The following TNR variants were observed in gnomAD, a reference collection of about 807,000 sequenced individuals.
TNR encodes the protein tenascin R, also known as tenascin-R.
In TNR, 45 loss-of-function variants were observed where a neutral mutation model predicts 150.4. The ratio of observed to expected loss-of-function variants is 0.30; its 90% confidence interval spans 0.24 to 0.38. The LOEUF is 0.38. Among genes scored for constraint, TNR ranks in the 10% least tolerant of loss-of-function variants. The pLI, the probability that TNR is intolerant of heterozygous loss-of-function variation, is 1.00. For missense variants in TNR, 1,544 were observed against 1,759.1 expected, an observed-to-expected ratio of 0.88 and a Z score of 2.19; for synonymous variants, 687 against 678.4, an observed-to-expected ratio of 1.01 and a Z score of -0.20.
intron 1 of TNR, among the ~76,000 whole-genome samples, chr1:175,613,701 C>A (rs777921985): frequency 6.6e-6 from 1 of 152,170 alleles, no homozygotes; most frequent in Admixed American, 6.5e-5. Context: ...CACCAGAATT[C>A]TCTTGTCCTA....
intron 2 of TNR, among the ~76,000 whole-genome samples, chr1:175,437,548 A>G (rs1220272706): frequency 6.6e-6 from 1 of 152,244 alleles, no homozygotes; most frequent in Non-Finnish European, 1.5e-5. Context: ...TGAAGGAAAC[A>G]GAGACACAAA....
chr1:175,473,748 T>C (rs1657401128), intron 2 of TNR, among the ~76,000 whole-genome samples: 1 of 152,202 alleles, frequency 6.6e-6, no homozygotes, highest in Non-Finnish European at 1.5e-5. Flanking sequence ...CCCTTTTATG[T>C]GGGAGCAGCT....
rs796675581 is a variant in TNR, at chr1:175,467,869, T to C, written c.-64+60400A>G. ...AATTACTCGTTAATATATAAAGGAC[T>C]GTATTTCCCATAATGCAAATGCTAG... On this transcript the variant is annotated intron_variant, in intron 2 of 22. Coordinates refer to ENST00000367674, the MANE Select transcript of TNR (RefSeq NM_003285.3). 9.2e-5 allele frequency among the ~76,000 whole-genome samples: 14 copies of C among 152,352 alleles called. 1 individual carries two copies. The highest frequency in any genetic ancestry group is 3.4e-4 in the African/African-American group (14 of 41,576).
intron 4 of TNR, among the ~76,000 whole-genome samples, chr1:175,399,910 A>C (rs1653617411): frequency 6.6e-6 from 1 of 152,244 alleles, no homozygotes; most frequent in Non-Finnish European, 1.5e-5. Context: ...CCAAAGAGTA[A>C]GTGGTTTCGG....
intron 1 of TNR, among the ~76,000 whole-genome samples, chr1:175,662,008 A>G (rs1008872249): frequency 2.0e-5 from 3 of 151,658 alleles, no homozygotes; most frequent in Non-Finnish European, 4.4e-5. Context: ...ACACTATCCA[A>G]CCTCAAAGGC....
In TNR at chr1:175,403,102, C is replaced by G. The variant is rs535766742; in HGVS notation, c.976+38G>C. Reference sequence around the variant, plus strand: ...GAGGCATCCAGCTAGTTTGCTGGACCACCCTTGCCAAACACCCCAGAGAGT... The same window carrying G: ...GAGGCATCCAGCTAGTTTGCTGGACGACCCTTGCCAAACACCCCAGAGAGT... On this transcript the variant is annotated intron_variant, in intron 4 of 22. Transcript: ENST00000367674. 1.2e-5 allele frequency: 19 copies of G among 1,558,694 alleles called. No homozygotes were observed. In the South Asian group the frequency reaches 2.1e-4, roughly 17 times the overall value.
At chr1:175,347,738 A>T (rs2101999885) in intron 18 of TNR, among the ~76,000 whole-genome samples, 2 of 151,878 alleles carry the variant, frequency 1.3e-5, no homozygotes, top group East Asian at 3.9e-4. Flanking sequence ...TTTTTTTTTT[A>T]ATTTAAATTT....
At chr1:175,537,197 A>G (rs1160520438) in intron 1 of TNR, among the ~76,000 whole-genome samples, 1 of 152,220 alleles carries the variant, frequency 6.6e-6, no homozygotes, top group Non-Finnish European at 1.5e-5. Context: ...CTAGCCATCA[A>G]TCACCAGGGT....
chr1:175,611,107 T>C (rs1316415322), intron 1 of TNR, among the ~76,000 whole-genome samples: 1 of 152,166 alleles, frequency 6.6e-6, no homozygotes, highest in Non-Finnish European at 1.5e-5. Context: ...GGTTCTTCAC[T>C]GATATATATT....
chr1:175,531,015 G>A (rs968890066), intron 1 of TNR, among the ~76,000 whole-genome samples: 1 of 152,200 alleles, frequency 6.6e-6, no homozygotes, highest in African/African-American at 2.4e-5. Flanking sequence ...TGTCTTTGAG[G>A]GAGAGGGACA....
At chr1:175,342,283 C>T (rs1426277591) in intron 18 of TNR, among the ~76,000 whole-genome samples, 3 of 152,088 alleles carry the variant, frequency 2.0e-5, no homozygotes, top group Non-Finnish European at 4.4e-5. Flanking sequence ...AGTGGGGGCC[C>T]GGGATAGGGC....
chr1:175,606,308 A>G (rs1336956258), intron 1 of TNR, among the ~76,000 whole-genome samples: 1 of 152,120 alleles, frequency 6.6e-6, no homozygotes, highest in East Asian at 1.9e-4. Context: ...TGGGACTTAC[A>G]AGGACAGATG....
intron 21 of TNR, among the ~76,000 whole-genome samples, chr1:175,326,465 G>A (rs1649401942): frequency 6.6e-6 from 1 of 152,076 alleles, no homozygotes; most frequent in Non-Finnish European, 1.5e-5. Flanking sequence ...TATAGGGAAG[G>A]CTGACGCCCT....
chr1:175,331,050 T>TTTCTTTCTTTCC (rs1557867588), intron 20 of TNR, among the ~76,000 whole-genome samples: 1 of 95,762 alleles, frequency 1.0e-5, no homozygotes, highest in African/African-American at 4.2e-5. Flanking sequence ...TCTTTCTTTC[T>TTTCTTTCTTTCC]TTCTTTCTTT....
chr1:175,380,688 C>T (rs1366532693), intron 8 of TNR, among the ~76,000 whole-genome samples: 4 of 152,192 alleles, frequency 2.6e-5, no homozygotes, highest in Admixed American at 6.5e-5. Flanking sequence ...CACAAAGAGA[C>T]GACGGGGACA....
intron 20 of TNR, among the ~76,000 whole-genome samples, chr1:175,333,120 G>C (rs948986462): frequency 3.3e-5 from 5 of 152,102 alleles, no homozygotes; most frequent in African/African-American, 1.2e-4. Flanking sequence ...AACAGGCTTG[G>C]AGTCCCTGTA....
intron 5 of TNR, among the ~76,000 whole-genome samples, chr1:175,394,242 C>G (rs1653315818): frequency 6.6e-6 from 1 of 152,096 alleles, no homozygotes; most frequent in Non-Finnish European, 1.5e-5. Context: ...TAGTACAGTG[C>G]CTTTTTCAGA....
intron 2 of TNR, among the ~76,000 whole-genome samples, chr1:175,466,476 G>A (rs1657040432): frequency 6.6e-6 from 1 of 152,192 alleles, no homozygotes; most frequent in African/African-American, 2.4e-5. Context: ...GTGTGCTGCT[G>A]ACCCAGTCTT....
Position 175,403,466 on chromosome 1 carries a change from C to A in TNR, c.650G>T (p.Gly217Val). The A allele has an allele frequency of 3.1e-6, 5 of 1,614,224 alleles. No homozygotes were observed. Among genetic ancestry groups the A allele is most frequent in the Non-Finnish European group, 4.2e-6 (5 of 1,180,048 alleles). The change falls in exon 4 of 23, where the codon GGC (glycine) becomes GTC (valine). Residue 217 changes from glycine to valine, a missense_variant. Around this residue, in one of 2 missense-constraint regions of TNR, gnomAD observed 1,254 missense variants for 1,329.4 expected, o/e 0.94. Coordinates refer to ENST00000367674, the MANE Select transcript of TNR (RefSeq NM_003285.3). ...GTACTCGCTGTCACAGATGCACTGG[C>A]CATCCACACACACCCCCCGGCTGGA... ...GCSSRGVCVD[G>V]QCICDSEYSG...
Sources: gnomAD v4.1 joint callset for allele counts (sites outside exome capture counted in the v4.1 genomes callset) on GRCh38, gnomAD v4.1.1 for gene constraint, gnomAD v4.1.1 regional missense constraint, MANE v1.5 for transcripts, NCBI Gene and HGNC (gene_info 2026-07-23, HGNC 2026-07-21) for gene names.